The following BRCA1 variants were observed in gnomAD, a reference collection of about 807,000 sequenced individuals.
BRCA1 encodes BRCA1 DNA repair associated, also known as breast cancer type 1 susceptibility protein.
A neutral mutation model predicts 173.7 loss-of-function variants in BRCA1; 140 were observed. The ratio of observed to expected loss-of-function variants is 0.81; its 90% confidence interval spans 0.70 to 0.93. The LOEUF is 0.93. Ranked by LOEUF, BRCA1 falls within the 40% of genes least tolerant of loss-of-function variation. The probability of loss-of-function intolerance (pLI) is 0.00; values close to 1 mark genes in which losing one functional copy is unlikely to be tolerated. For synonymous variants in BRCA1, 662 were observed against 756.0 expected (o/e 0.88, Z 2.04); for missense variants, 1,983 against 2,172.5 (o/e 0.91, Z 1.73).
chr17:43,109,550 A>C (rs2054946859), intron 3 of BRCA1, among the ~76,000 whole-genome samples: 1 of 152,150 alleles, frequency 6.6e-6, no homozygotes, highest in South Asian at 2.1e-4. Context: ...TATTGCACTC[A>C]ACAAAACAAT....
chr17:43,062,763 AT>A (rs1400377106), intron 18 of BRCA1, among the ~76,000 whole-genome samples: 3 of 150,890 alleles, frequency 2.0e-5, no homozygotes, highest in Non-Finnish European at 3.0e-5. Flanking sequence ...ACGCTGAGTA[AT>A]TTTTTGTATT....
At chr17:43,135,514 G>A (rs183292499) in intron 1 of BRCA1, among the ~76,000 whole-genome samples, 88 of 152,308 alleles carry the variant, frequency 5.8e-4, no homozygotes, top group African/African-American at 2.0e-3. Context: ...GTCATAAGCC[G>A]GTGGAGAAGT....
At chr17:43,113,405 T>G (rs1275394197) in intron 3 of BRCA1, among the ~76,000 whole-genome samples, 1 of 151,790 alleles carries the variant, frequency 6.6e-6, no homozygotes, top group Non-Finnish European at 1.5e-5. Flanking sequence ...TCTCACTCTG[T>G]TGTCAGGCTG....
intron 1 of BRCA1, among the ~76,000 whole-genome samples, chr17:43,165,197 T>G (rs2056259201): frequency 6.6e-6 from 1 of 152,180 alleles, no homozygotes; most frequent in Admixed American, 6.5e-5. Context: ...TTTTTAACCC[T>G]TTATAATTTT....
Position 43,097,302 on chromosome 17 carries a change from C to T in BRCA1, c.548-13G>A, listed in dbSNP as rs80358115. 1.2e-6 allele frequency: 2 copies of T among 1,609,782 alleles called. No individual in the cohort carries two copies. The highest frequency in any genetic ancestry group is 1.1e-5 in the South Asian group (1 of 90,756). On this transcript the variant is annotated splice_polypyrimidine_tract_variant and intron_variant, in intron 7 of 22. Coordinates refer to ENST00000357654, the MANE Select transcript of BRCA1 (RefSeq NM_007294.4). ...GAAGAATCAGATCCTAAAAAATTTC[C>T]CCCCAAAAAATAAATCAATAAAAGT...
chr17:43,140,077 C>T, intron 1 of BRCA1: 1 of 360,688 alleles, frequency 2.8e-6, no homozygotes, highest in East Asian at 7.7e-5. Flanking sequence ...GCTTTCAGCC[C>T]CATTCCCCAT....
chr17:43,073,195 C>T (rs745330659), intron 14 of BRCA1, among the ~76,000 whole-genome samples: 2 of 151,790 alleles, frequency 1.3e-5, no homozygotes, highest in Non-Finnish European at 2.9e-5. Flanking sequence ...TTTTTTATTC[C>T]CTATATTGTC....
In BRCA1 at chr17:43,092,852, C is replaced by T. The variant is rs587781771; in HGVS notation, c.2679G>A (p.Lys893=). ...CAAAAGTGACTTTTGGACTTTGTTT[C>T]TTTAAGGACCCAGAGTGGGCAGAGA... The part of the protein sequence containing the change: ...ATFSAHSGSL[K]KQSPKVTFEC... The change falls in exon 10 of 23, where the codon AAG becomes AAA. Residue 893 remains lysine, a synonymous_variant. Coordinates refer to ENST00000357654, the MANE Select transcript of BRCA1 (RefSeq NM_007294.4). The T allele has an allele frequency of 6.2e-7, 1 of 1,613,896 alleles. No homozygotes were observed. Among genetic ancestry groups the T allele is most frequent in the Non-Finnish European group, 8.5e-7 (1 of 1,179,960 alleles).
At chr17:43,074,241 A>G in intron 14 of BRCA1, 90 bp downstream of exon 14, 1 of 1,336,932 alleles carries the variant, frequency 7.5e-7, no homozygotes, top group Non-Finnish European at 1.1e-6. Context: ...ATAGACTAGT[A>G]CATCTAAAAG....
At chr17:43,153,824 C>T (rs779186282) in intron 1 of BRCA1, among the ~76,000 whole-genome samples, 8 of 152,130 alleles carry the variant, frequency 5.3e-5, no homozygotes, top group Admixed American at 3.9e-4. Context: ...CTTCAGAAGA[C>T]GCATGTTTGG....
chr17:43,145,329 CTTTT>C, intron 1 of BRCA1: 42 of 414,604 alleles, frequency 1.0e-4, no homozygotes, highest in East Asian at 1.8e-4. Flanking sequence ...TTTTTTCTTT[CTTTT>C]TTTTTTTTTT....
intron 6 of BRCA1, among the ~76,000 whole-genome samples, chr17:43,103,309 T>C (rs1342511435): frequency 6.6e-6 from 1 of 151,038 alleles, no homozygotes; most frequent in Admixed American, 6.6e-5. Flanking sequence ...TCTACTAAAA[T>C]TACAAAAATT....
intron 20 of BRCA1, among the ~76,000 whole-genome samples, chr17:43,050,382 G>A (rs954406288): frequency 3.3e-5 from 5 of 152,124 alleles, no homozygotes; most frequent in African/African-American, 9.7e-5. Context: ...GCTGAGGCGG[G>A]TGGATCACGA....
At chr17:43,054,606 A>C (rs2051382448) in intron 19 of BRCA1, among the ~76,000 whole-genome samples, 1 of 151,768 alleles carries the variant, frequency 6.6e-6, no homozygotes, top group East Asian at 1.9e-4. Flanking sequence ...CACCCAATTA[A>C]TTTTTAAATT....
chr17:43,142,690 T>C (rs1388786411), intron 1 of BRCA1: 2 of 152,200 alleles, frequency 1.3e-5, no homozygotes, highest in African/African-American at 4.8e-5. Context: ...AGTAAGCAAA[T>C]TGTAAATGGT....
Position 43,135,978 on chromosome 17 carries a change from G to A in BRCA1, c.-19-11863C>T, listed in dbSNP as rs777194941. Among the ~76,000 whole-genome samples the A allele has an allele frequency of 1.3e-4, 20 of 152,152 alleles. 1 individual carries two copies. The highest frequency in any genetic ancestry group is 4.1e-4 in the South Asian group (2 of 4,832). On this transcript the variant is annotated intron_variant, in intron 1 of 7. Transcript: ENST00000634433. ...CTTCCTCCCTGCTCTCTGCAGTACC[G>A]CAGAGTGAGCATAAAAGGGCTTAAT...
intron 1 of BRCA1, chr17:43,159,713 C>T (rs1015682630): frequency 3.2e-5 from 6 of 185,812 alleles, no homozygotes; most frequent in East Asian, 1.7e-4. Flanking sequence ...TGCGGAAGGC[C>T]GCAGGGTCCT....
rs1168224263 is a variant in BRCA1, at chr17:43,124,688, A to G, written c.-19-573T>C. The G allele has an allele frequency of 4.0e-5, 7 of 173,204 alleles. 1 individual carries two copies. Among genetic ancestry groups the G allele is most frequent in the African/African-American group, 1.4e-4 (6 of 41,716 alleles). 10.7% of individuals were successfully genotyped at this position (173,204 alleles called of 1,614,324 possible). The stretch of plus-strand genomic sequence containing the variant: ...ATCCTGTCTCCTCCCCTTCCCAGAC[A>G]TATTCCTGGCACCTCTTCTTCCACA... On this transcript the variant is annotated intron_variant, in intron 1 of 22. Coordinates refer to ENST00000357654, the MANE Select transcript of BRCA1 (RefSeq NM_007294.4).
intron 1 of BRCA1, among the ~76,000 whole-genome samples, chr17:43,149,875 G>A (rs1398053240): frequency 1.3e-5 from 2 of 152,000 alleles, no homozygotes; most frequent in Middle Eastern, 3.4e-3. Context: ...TGCATCCTCC[G>A]CCTCCTGGGT....
Sources: gnomAD v4.1 joint callset for allele counts (sites outside exome capture counted in the v4.1 genomes callset) on GRCh38, gnomAD v4.1.1 for gene constraint, MANE v1.5 for transcripts, NCBI Gene and HGNC (gene_info 2026-07-23, HGNC 2026-07-21) for gene names.